PRKN: variants seen among roughly 807,000 people sequenced by gnomAD.
The protein encoded by PRKN is E3 ubiquitin-protein ligase parkin.
A neutral mutation model predicts 59.5 loss-of-function variants in PRKN; 56 were observed. The ratio of observed to expected loss-of-function variants is 0.94; its 90% confidence interval spans 0.76 to 1.18. The LOEUF is 1.18. PRKN is among the 50% of genes most tolerant of loss of function. The pLI is 0.00. For synonymous variants in PRKN, 250 were observed against 222.1 expected, an observed-to-expected ratio of 1.13 and a Z score of -1.12; for missense variants, 657 against 596.4, an observed-to-expected ratio of 1.10 and a Z score of -1.06.
At chr6:161,763,243 C>T (rs573741036) in intron 7 of PRKN, among the ~76,000 whole-genome samples, 2 of 152,214 alleles carry the variant, frequency 1.3e-5, no homozygotes, top group African/African-American at 2.4e-5. Flanking sequence ...TGAGTTGGCA[C>T]GTTCCTGCCG....
intron 7 of PRKN, among the ~76,000 whole-genome samples, chr6:161,571,726 A>G (rs968699824): frequency 6.6e-6 from 1 of 152,104 alleles, no homozygotes; most frequent in Non-Finnish European, 1.5e-5. Flanking sequence ...AGCTGATAAC[A>G]TGTTATTTCT....
At chr6:162,222,061 T>G (rs1233810888) in intron 3 of PRKN, among the ~76,000 whole-genome samples, 2 of 152,094 alleles carry the variant, frequency 1.3e-5, no homozygotes, top group African/African-American at 4.8e-5. Flanking sequence ...AAACATTGGT[T>G]TTGGTTTGAA....
chr6:161,832,182 ATGTATAT>A (rs1792526816), intron 6 of PRKN, among the ~76,000 whole-genome samples: 1 of 152,246 alleles, frequency 6.6e-6, no homozygotes, highest in Admixed American at 6.5e-5. Context: ...AGAAATGCAA[ATGTATAT>A]TAGGGATGCC....
intron 1 of PRKN, among the ~76,000 whole-genome samples, chr6:162,495,517 T>C (rs2023004): frequency 0.32 from 47,912 of 151,888 alleles, 7,836 homozygotes; most frequent in East Asian, 0.47. Flanking sequence ...ATGTCCAAGC[T>C]GACACCCACA....
At chr6:162,545,688 G>C (rs1779090643) in intron 1 of PRKN, among the ~76,000 whole-genome samples, 1 of 152,126 alleles carries the variant, frequency 6.6e-6, no homozygotes, top group Non-Finnish European at 1.5e-5. Context: ...ATTAATGTCA[G>C]ATGACACTAA....
At chr6:161,823,848 G>A (rs1439822075) in intron 6 of PRKN, among the ~76,000 whole-genome samples, 3 of 152,184 alleles carry the variant, frequency 2.0e-5, no homozygotes, top group Non-Finnish European at 4.4e-5. Flanking sequence ...TGAGCAAGGT[G>A]ATCACATGGC....
intron 6 of PRKN, among the ~76,000 whole-genome samples, chr6:161,948,926 G>C (rs556944540): frequency 6.6e-6 from 1 of 152,332 alleles, no homozygotes; most frequent in Non-Finnish European, 1.5e-5. Flanking sequence ...GTCGCAGGAA[G>C]CTTTTTGGGA....
chr6:162,252,956 A>C (rs1221382268), intron 3 of PRKN, among the ~76,000 whole-genome samples: 1 of 152,208 alleles, frequency 6.6e-6, no homozygotes, highest in Non-Finnish European at 1.5e-5. Flanking sequence ...TGTGCCCAGC[A>C]CTGTGTTAGG....
In PRKN at chr6:161,468,064, C is replaced by T. The variant is rs1478681280; in HGVS notation, c.1083+80790G>A. ...CTCAGCTCACTGCAACCTCTGCCTT[C>T]CGGGTTCAAGCAATTTTCCTGCCTC... On this transcript the variant is annotated intron_variant, in intron 9 of 11. Coordinates refer to ENST00000366898, the MANE Select transcript of PRKN (RefSeq NM_004562.3). The surrounding 1 kb of genome is among the most constrained non-coding windows in gnomAD (Gnocchi z 5.9). 6.6e-6 allele frequency among the ~76,000 whole-genome samples: 1 copy of T among 152,146 alleles called. No homozygotes were observed. Among genetic ancestry groups the T allele is most frequent in the Non-Finnish European group, 1.5e-5 (1 of 68,022 alleles).
rs576067083 is a variant in PRKN, at chr6:161,483,630, C to T, written c.1083+65224G>A. Among the ~76,000 whole-genome samples the T allele has an allele frequency of 1.3e-5, 2 of 152,270 alleles. No homozygotes were observed. Among genetic ancestry groups the T allele is most frequent in the African/African-American group, 4.8e-5 (2 of 41,568 alleles). The stretch of plus-strand genomic sequence containing the variant: ...TAAAGGTGACATCTACATTAATGCC[C>T]CTCATCCCCAATAGAGAGCACATTG... On this transcript the variant is annotated intron_variant, in intron 9 of 11. Transcript: ENST00000366898. The surrounding 1 kb of genome is among the most constrained non-coding windows in gnomAD (Gnocchi z 5.0).
At chr6:162,191,276 T>C (rs1784267709) in intron 4 of PRKN, among the ~76,000 whole-genome samples, 1 of 152,234 alleles carries the variant, frequency 6.6e-6, no homozygotes, top group Admixed American at 6.5e-5. Flanking sequence ...AAAATAGGAC[T>C]GGTCTAAGCC....
At chr6:161,649,224 C>A (rs1265474610) in intron 7 of PRKN, among the ~76,000 whole-genome samples, 3 of 152,170 alleles carry the variant, frequency 2.0e-5, no homozygotes, top group Non-Finnish European at 4.4e-5. Flanking sequence ...GCATGACTGA[C>A]CCCCTCTCTC....
chr6:161,785,372 T>C lies in PRKN; in HGVS notation c.871+400A>G, dbSNP rs533303818. ...CTCATTCTGCTTTCTTTTTCACATA[T>C]GTTATTTTATATATATTGGGTATGT... On this transcript the variant is annotated intron_variant, in intron 7 of 11. Coordinates refer to ENST00000366898, the MANE Select transcript of PRKN (RefSeq NM_004562.3). 3.3e-5 allele frequency among the ~76,000 whole-genome samples: 5 copies of C among 152,314 alleles called. No homozygotes were observed. The East Asian group carries it at 9.7e-4, about 29-fold the overall frequency.
At chr6:162,648,760 G>A (rs2128226076) in intron 1 of PRKN, among the ~76,000 whole-genome samples, 1 of 152,264 alleles carries the variant, frequency 6.6e-6, no homozygotes, top group Non-Finnish European at 1.5e-5. Context: ...CTCATAGAGT[G>A]TGCACAAACA....
chr6:161,600,215 C>A (rs1392109742), intron 7 of PRKN, among the ~76,000 whole-genome samples: 2 of 151,822 alleles, frequency 1.3e-5, no homozygotes, highest in Non-Finnish European at 2.9e-5. Context: ...ATTTCTCTAC[C>A]CCTTTTCTTT....
chr6:162,727,539 G>A (rs1006067815), intron 1 of PRKN, 123 bp downstream of exon 1: 5 of 1,110,136 alleles, frequency 4.5e-6, no homozygotes, highest in East Asian at 2.7e-5. Context: ...GGGACGGCAC[G>A]GGCACTTTGG....
chr6:161,572,921 T>C (rs1780947141), intron 7 of PRKN, among the ~76,000 whole-genome samples: 1 of 152,148 alleles, frequency 6.6e-6, no homozygotes, highest in African/African-American at 2.4e-5. Flanking sequence ...ATATTCTGGA[T>C]CATTTGACTG....
intron 9 of PRKN, among the ~76,000 whole-genome samples, chr6:161,520,286 G>A (rs888411386): frequency 8.4e-5 from 12 of 143,026 alleles, no homozygotes; most frequent in South Asian, 2.3e-4. Context: ...GTACAATGGC[G>A]TGATCTCAGC....
intron 5 of PRKN, among the ~76,000 whole-genome samples, chr6:162,034,645 C>T (rs963679938): frequency 1.3e-5 from 2 of 152,182 alleles, no homozygotes; most frequent in Non-Finnish European, 2.9e-5. Context: ...TTCCAAGTAG[C>T]CTTATAAATC....
Sources: allele counts gnomAD v4.1 joint callset (sites outside exome capture counted in the v4.1 genomes callset), GRCh38; gene constraint gnomAD v4.1.1; non-coding constraint Gnocchi (gnomAD v3.1); transcripts MANE v1.5; gene names NCBI Gene and HGNC (gene_info 2026-07-23, HGNC 2026-07-21).